Variants in STARD3NL observed in about 807,000 individuals in gnomAD.
STARD3NL encodes the protein STARD3 N-terminal like, also known as STARD3 N-terminal-like protein.
A neutral mutation model predicts 30.9 loss-of-function variants in STARD3NL; 17 were observed. The ratio of observed to expected loss-of-function variants is 0.55; its 90% CI spans 0.38 to 0.82. The LOEUF is 0.82. Among genes scored for constraint, STARD3NL ranks in the 40% least tolerant of loss-of-function variants. The probability of loss-of-function intolerance (pLI) is 0.00; values close to 1 mark genes in which losing one functional copy is unlikely to be tolerated. For missense variants in STARD3NL, 234 were observed against 277.6 expected, an observed-to-expected ratio of 0.84 and a Z score of 1.12; for synonymous variants, 112 against 100.5, an observed-to-expected ratio of 1.11 and a Z score of -0.69.
chr7:38,219,654 G>C lies in STARD3NL; in HGVS notation c.643G>C (p.Glu215Gln). 1 of 1,611,526 alleles carries C rather than the reference G, an allele frequency of 6.2e-7. No individual in the cohort carries two copies. The highest frequency in any genetic ancestry group is 1.1e-5 in the South Asian group (1 of 90,958). ...DGQFYSPPES[E>Q]AGSEEAEEKQ... is the part of the protein sequence containing the mutation. ...TCAGTTTTATTCCCCTCCTGAATCC[G>C]AAGCAGGTAAAAAACTTGATTATTA... Residue 215 changes from glutamate (E) to glutamine (Q), a missense_variant, in exon 7 of 9, where the codon GAA (glutamate) becomes CAA (glutamine). Glu to Gln is a conservative substitution (Grantham distance 29). Coordinates refer to ENST00000009041, the MANE Select transcript of STARD3NL (RefSeq NM_032016.4).
chr7:38,211,457 G>A (rs781113798), intron 2 of STARD3NL, among the ~76,000 whole-genome samples: 8 of 152,174 alleles, frequency 5.3e-5, no homozygotes, highest in Non-Finnish European at 7.4e-5. Flanking sequence ...TGGGGAGTAC[G>A]TGCTCAAGTG....
At chr7:38,184,102 T>C (rs914389832) in intron 1 of STARD3NL, among the ~76,000 whole-genome samples, 13 of 152,188 alleles carry the variant, frequency 8.5e-5, no homozygotes, top group African/African-American at 2.7e-4. Flanking sequence ...GTGAAACATG[T>C]GAAAGACTGG....
intron 1 of STARD3NL, among the ~76,000 whole-genome samples, chr7:38,190,005 TTGCCA>T (rs1784615847): frequency 6.6e-6 from 1 of 152,246 alleles, no homozygotes; most frequent in Non-Finnish European, 1.5e-5. Flanking sequence ...CATGATTTTT[TTGCCA>T]TGAAAATTTG....
intron 1 of STARD3NL, among the ~76,000 whole-genome samples, chr7:38,184,417 G>A (rs1402589586): frequency 6.6e-6 from 1 of 151,832 alleles, no homozygotes; most frequent in Admixed American, 6.6e-5. Context: ...AGGAAGCATG[G>A]CTCGGCTTTT....
intron 7 of STARD3NL, among the ~76,000 whole-genome samples, chr7:38,222,668 A>G (rs1314767531): frequency 6.6e-6 from 1 of 152,146 alleles, no homozygotes; most frequent in East Asian, 1.9e-4. Context: ...CACCTTTATC[A>G]TTTACCACCA....
intron 1 of STARD3NL, among the ~76,000 whole-genome samples, chr7:38,189,973 T>C (rs1376017203): frequency 1.3e-5 from 2 of 152,212 alleles, no homozygotes; most frequent in South Asian, 4.1e-4. Context: ...AAGTGTAGCA[T>C]ACTTAAGAGC....
chr7:38,215,004 A>C (rs774104081), intron 3 of STARD3NL, 24 bp from the exon 4 acceptor site: 2 of 1,601,886 alleles, frequency 1.2e-6, no homozygotes, highest in East Asian at 4.5e-5. Context: ...TTTTTAAAAC[A>C]TCCCTTTATT....
At chr7:38,200,035 A>C (rs1298213501) in intron 1 of STARD3NL, among the ~76,000 whole-genome samples, 2 of 152,138 alleles carry the variant, frequency 1.3e-5, no homozygotes, top group African/African-American at 4.8e-5. Context: ...TCCCACACAC[A>C]GTTTTTGTAT....
At chr7:38,206,228 A>T (rs900537594) in intron 1 of STARD3NL, among the ~76,000 whole-genome samples, 2 of 152,204 alleles carry the variant, frequency 1.3e-5, no homozygotes, top group African/African-American at 4.8e-5. Flanking sequence ...TTACCTAGAC[A>T]TTGCCAGTCA....
intron 5 of STARD3NL, 44 bp downstream of exon 5, chr7:38,217,122 T>TACA (rs1786166031): frequency 6.2e-7 from 1 of 1,613,790 alleles, no homozygotes; most frequent in Non-Finnish European, 8.5e-7. Context: ...TCTTCAGTGA[T>TACA]GAAGCCTCGT....
intron 7 of STARD3NL, among the ~76,000 whole-genome samples, chr7:38,227,960 A>T (rs1014742435): frequency 1.3e-5 from 2 of 152,166 alleles, no homozygotes; most frequent in Non-Finnish European, 2.9e-5. Flanking sequence ...CCAGAAAAAT[A>T]TATAAAAGTT....
At chr7:38,214,614 A>G (rs913034777) in intron 3 of STARD3NL, among the ~76,000 whole-genome samples, 180 bp downstream of exon 3, 6 of 152,142 alleles carry the variant, frequency 3.9e-5, no homozygotes, top group African/African-American at 1.4e-4. Context: ...GAATTGTGTC[A>G]TCATCTCAAG....
At chr7:38,207,223 C>T (rs576022926) in intron 1 of STARD3NL, among the ~76,000 whole-genome samples, 1 of 152,304 alleles carries the variant, frequency 6.6e-6, no homozygotes, top group South Asian at 2.1e-4. Context: ...CAGTTTGCTT[C>T]TTCTCTCTTG....
At position 38,228,807 on chromosome 7, in the gene STARD3NL, G is replaced by A. The variant is rs1208061569; in HGVS notation, c.658G>A (p.Glu220Lys). The A allele has an allele frequency of 1.2e-6, 2 of 1,612,592 alleles. No homozygotes were observed. Among genetic ancestry groups the A allele is most frequent in the South Asian group, 1.1e-5 (1 of 90,964 alleles). Residue 220 changes from glutamate to lysine, a missense_variant, in exon 8 of 9, where the codon GAA (glutamate) becomes AAA (lysine). Physicochemically the swap from Glu to Lys is moderately conservative, Grantham distance 56. Coordinates refer to ENST00000009041, the MANE Select transcript of STARD3NL (RefSeq NM_032016.4). ...CCTTCTCCACCACGTAGGATCTGAA[G>A]AAGCTGAAGAAAAACAGGACAGTGA... ...SPPESEAGSE[E>K]AEEKQDSEKP...
chr7:38,203,892 A>G (rs1392337541), intron 1 of STARD3NL, among the ~76,000 whole-genome samples: 7 of 152,240 alleles, frequency 4.6e-5, no homozygotes, highest in Admixed American at 4.6e-4. Flanking sequence ...AGGCCATTAC[A>G]TAATGGTAAA....
At chr7:38,226,265 G>A (rs1786763740) in intron 7 of STARD3NL, among the ~76,000 whole-genome samples, 1 of 138,552 alleles carries the variant, frequency 7.2e-6, no homozygotes, top group Admixed American at 7.9e-5. Context: ...TTAGTAAAGA[G>A]CTATATCTTT....
chr7:38,214,393 G>T lies in STARD3NL; in HGVS notation c.262G>T (p.Val88Leu), dbSNP rs762651219. The change falls in exon 3 of 9, where the codon GTG (valine) becomes TTG (leucine). Residue 88 changes from valine (V) to leucine (L), a missense_variant. Physicochemically the swap from Val to Leu is conservative, Grantham distance 32. Transcript: ENST00000009041. ...CATTGAGAACACATTAGAGAAGGAG[G>T]TGATGCAGTATGACTACTATTCTTC... ...GGIENTLEKE[V>L]MQYDYYSSYF... The T allele has an allele frequency of 1.9e-6, 3 of 1,608,520 alleles. No individual in the cohort carries two copies. Among genetic ancestry groups the T allele is most frequent in the Non-Finnish European group, 2.6e-6 (3 of 1,175,966 alleles).
At chr7:38,209,676 T>C (rs1303275260) in intron 2 of STARD3NL, among the ~76,000 whole-genome samples, 1 of 152,202 alleles carries the variant, frequency 6.6e-6, no homozygotes, top group Admixed American at 6.5e-5. Flanking sequence ...CGGGCATTCA[T>C]TGCTTTGGCT....
intron 1 of STARD3NL, among the ~76,000 whole-genome samples, chr7:38,179,373 T>C (rs1376984581): frequency 6.6e-6 from 1 of 152,216 alleles, no homozygotes; most frequent in African/African-American, 2.4e-5. Context: ...AAACATACAA[T>C]ATGTTGTCGT....
Sources: gnomAD v4.1 joint callset for allele counts (sites outside exome capture counted in the v4.1 genomes callset) on GRCh38, gnomAD v4.1.1 for gene constraint, MANE v1.5 for transcripts, NCBI Gene and HGNC (gene_info 2026-07-23, HGNC 2026-07-21) for gene names.